Variants in IFT140 observed in about 807,000 individuals in gnomAD.
IFT140 encodes the protein intraflagellar transport protein 140 homolog.
IFT140 carries 133 observed loss-of-function variants against 164.6 expected under a neutral mutation model. The observed-to-expected ratio is 0.81, with a 90% confidence interval of 0.70 to 0.93. IFT140 has a LOEUF of 0.93. Among genes scored for constraint, IFT140 ranks in the 40% least tolerant of loss-of-function variants. The pLI is 0.00. For missense variants in IFT140, 2,045 were observed against 1,972.3 expected, an observed-to-expected ratio of 1.04 and a Z score of -0.70; for synonymous variants, 860 against 817.3, an observed-to-expected ratio of 1.05 and a Z score of -0.89.
intron 1 of IFT140, 99 bp from the exon 2 acceptor site, chr16:1,610,952 C>A (rs2036300367): frequency 6.6e-6 from 1 of 152,326 alleles, no homozygotes; most frequent in African/African-American, 2.4e-5. Flanking sequence ...GTCACAGCCC[C>A]GATCAACCGC....
chr16:1,582,841 T>A (rs907613351), intron 12 of IFT140, among the ~76,000 whole-genome samples: 1 of 152,158 alleles, frequency 6.6e-6, no homozygotes, highest in Admixed American at 6.5e-5. Flanking sequence ...AGGCGGAGGG[T>A]GCAGTGAGGT....
intron 19 of IFT140, chr16:1,554,947 G>C: frequency 6.2e-7 from 1 of 1,614,106 alleles, no homozygotes. Flanking sequence ...ATGGCCCCCC[G>C]GGTGATTGTC....
chr16:1,554,663 G>A, intron 19 of IFT140: 1 of 1,430,546 alleles, frequency 7.0e-7, no homozygotes, highest in South Asian at 1.3e-5. Flanking sequence ...CCCGCTCTAG[G>A]ACAGAGGGCT....
rs111871139 is a variant in IFT140, at chr16:1,522,379, T to A, written c.3453+1139A>T. On this transcript the variant is annotated intron_variant, in intron 26 of 30. Transcript: ENST00000426508. ...CTCAAAATAAAAATAAAAATAAAAA[T>A]ACAAAATTAGCCGGGCGTGGTGGTG... 2.4e-4 allele frequency among the ~76,000 whole-genome samples: 37 copies of A among 151,266 alleles called. 3 individuals carry two copies. Among genetic ancestry groups the A allele is most frequent in the African/African-American group, 8.0e-4 (33 of 41,176 alleles).
chr16:1,538,501 C>T (rs981409250), intron 19 of IFT140, among the ~76,000 whole-genome samples: 1 of 152,192 alleles, frequency 6.6e-6, no homozygotes, highest in African/African-American at 2.4e-5. Context: ...GGCAGCTCTG[C>T]ATCCCTCCTC....
intron 18 of IFT140, 91 bp from the exon 19 acceptor site, chr16:1,558,225 G>C: frequency 7.9e-7 from 1 of 1,263,056 alleles, no homozygotes; most frequent in Non-Finnish European, 1.1e-6. Flanking sequence ...GCTCCCTTAT[G>C]GGGGAGAAAT....
At chr16:1,536,054 T>C (rs2141247809) in intron 19 of IFT140, among the ~76,000 whole-genome samples, 1 of 152,324 alleles carries the variant, frequency 6.6e-6, no homozygotes, top group South Asian at 2.1e-4. Context: ...GGCGCTCATG[T>C]GCTTTGGGAC....
chr16:1,561,672 A>G, intron 18 of IFT140, among the ~76,000 whole-genome samples: 1 of 152,240 alleles, frequency 6.6e-6, no homozygotes, highest in Non-Finnish European at 1.5e-5. Context: ...CATTCGGGGA[A>G]AAGGCAAGGG....
chr16:1,515,648 T>C (rs1157300161), intron 30 of IFT140, among the ~76,000 whole-genome samples: 1 of 152,174 alleles, frequency 6.6e-6, no homozygotes, highest in Non-Finnish European at 1.5e-5. Context: ...CCTCCCACCT[T>C]GGCCTCCCAA....
chr16:1,558,037 T>C lies in IFT140; in HGVS notation c.2297A>G (p.Glu766Gly). 1 of 1,614,042 alleles carries C rather than the reference T, an allele frequency of 6.2e-7. No individual in the cohort carries two copies. Among genetic ancestry groups the C allele is most frequent in the South Asian group, 1.1e-5 (1 of 91,068 alleles). Residue 766 changes from glutamate to glycine, a missense_variant, in exon 19 of 31, where the codon GAG becomes GGG. Coordinates refer to ENST00000426508, the MANE Select transcript of IFT140 (RefSeq NM_014714.4). ...RRPLRDFVGLEDCDKATRDAM... is the reference protein window; with the variant it reads ...RRPLRDFVGLGDCDKATRDAM... ...GTCCCGGGTGGCCTTGTCGCAGTCC[T>C]CCAGCCCCACAAAGTCTCGCAGGGG...
chr16:1,564,244 C>T lies in IFT140; in HGVS notation c.1902-82G>A. ...CTCCCTCCCACACACATTCCCGAAGCCTCCAGGTGCTGTCCCAGACCATGG... is the reference window on the plus strand; with the variant it reads ...CTCCCTCCCACACACATTCCCGAAGTCTCCAGGTGCTGTCCCAGACCATGG... On this transcript the variant is annotated intron_variant, in intron 16 of 30. Transcript: ENST00000426508. The surrounding 1 kb of genome is among the most constrained non-coding windows in gnomAD (Gnocchi z 5.5). 3 of 1,272,246 alleles carry T rather than the reference C, an allele frequency of 2.4e-6. No individual in the cohort carries two copies. The South Asian group carries it at 5.1e-5, about 21-fold the overall frequency. The allele number at this position is 1,272,246 out of a possible 1,614,324, so 78.8% of individuals were successfully genotyped here. A position where few individuals can be genotyped will look rare whatever the true frequency, so the allele number is the denominator to read the frequency against.
chr16:1,592,465 A>G lies in IFT140; in HGVS notation c.491+2T>C, dbSNP rs1394421766. On this transcript the variant is annotated splice_donor_variant, in intron 5 of 30. Transcript: ENST00000426508. LOFTEE classifies it high-confidence loss of function. ...AGGTCACAGGGCAAGCCCCACACTTACTCGCCAGGAGGGGGGAGCCGGAAG... is the reference window on the plus strand; with the variant it reads ...AGGTCACAGGGCAAGCCCCACACTTGCTCGCCAGGAGGGGGGAGCCGGAAG... 1 of 1,613,830 alleles carries G rather than the reference A, an allele frequency of 6.2e-7. No homozygotes were observed. The highest frequency in any genetic ancestry group is 1.7e-5 in the Admixed American group (1 of 60,004).
At chr16:1,590,194 C>A (rs2035103370) in intron 6 of IFT140, among the ~76,000 whole-genome samples, 1 of 121,320 alleles carries the variant, frequency 8.2e-6, no homozygotes, top group Non-Finnish European at 1.6e-5. Flanking sequence ...GAGCAAGACT[C>A]TGTCTCAAAA....
At chr16:1,538,247 G>C (rs1486700152) in intron 19 of IFT140, among the ~76,000 whole-genome samples, 1 of 152,092 alleles carries the variant, frequency 6.6e-6, no homozygotes, top group African/African-American at 2.4e-5. Context: ...AGAGTGGCTT[G>C]TGGGGCACGG....
At chr16:1,607,362 A>G (rs2036130917) in intron 2 of IFT140, 65 bp from the exon 3 acceptor site, 5 of 1,358,326 alleles carry the variant, frequency 3.7e-6, no homozygotes, top group Admixed American at 4.6e-5. Context: ...ATGACTGTAC[A>G]TGGAATGACG....
At chr16:1,604,274 C>CATGTGT (rs3222244) in intron 3 of IFT140, 1 of 129,812 alleles carries the variant, frequency 7.7e-6, no homozygotes, top group Non-Finnish European at 1.6e-5. Context: ...GCTGCAAGGG[C>CATGTGT]GTGTGTGTGT....
At chr16:1,579,704 C>T (rs1251165174) in intron 13 of IFT140, among the ~76,000 whole-genome samples, 4 of 152,128 alleles carry the variant, frequency 2.6e-5, no homozygotes, top group African/African-American at 9.7e-5. Flanking sequence ...TGGTGGCTCA[C>T]GCCTGTAATC....
intron 22 of IFT140, 129 bp from the exon 23 acceptor site, chr16:1,525,045 G>A: frequency 2.2e-6 from 3 of 1,372,032 alleles, no homozygotes; most frequent in South Asian, 1.3e-5. Context: ...GGCCAAGAGT[G>A]AGGACCCCTG....
At chr16:1,576,586 C>T (rs867710476) in intron 13 of IFT140, 3 of 134,446 alleles carry the variant, frequency 2.2e-5, no homozygotes, top group African/African-American at 6.1e-5. Context: ...AGGGAAACTT[C>T]GTCTCAAAAA....
Sources: gnomAD v4.1 joint callset for allele counts (sites outside exome capture counted in the v4.1 genomes callset) on GRCh38, gnomAD v4.1.1 for gene constraint, Gnocchi (gnomAD v3.1) non-coding constraint, MANE v1.5 for transcripts, NCBI Gene and HGNC (gene_info 2026-07-23, HGNC 2026-07-21) for gene names.